The following CACNA1D variants were observed in gnomAD, a reference collection of about 807,000 sequenced individuals.
CACNA1D encodes voltage-dependent L-type calcium channel subunit alpha-1D.
Under a neutral mutation model 257.1 loss-of-function variants are expected in CACNA1D, and 55 were observed. The ratio of observed to expected loss-of-function variants is 0.21; its 90% CI spans 0.17 to 0.27. CACNA1D has a LOEUF of 0.27. CACNA1D is among the 10% of genes least tolerant of loss of function. CACNA1D has a pLI of 1.00. For synonymous variants in CACNA1D, 980 were observed against 1,014.9 expected (o/e 0.97, Z 0.65); for missense variants, 1,876 against 2,784.0 (o/e 0.67, Z 7.34).
chr3:53,610,171 G>A (rs902748855), intron 3 of CACNA1D, among the ~76,000 whole-genome samples: 2 of 152,138 alleles, frequency 1.3e-5, no homozygotes, highest in African/African-American at 2.4e-5. Context: ...TATCTTGGTA[G>A]ATATTCCATA....
chr3:53,752,343 C>T (rs2095232993), intron 28 of CACNA1D, among the ~76,000 whole-genome samples: 1 of 152,144 alleles, frequency 6.6e-6, no homozygotes, highest in East Asian at 1.9e-4. Flanking sequence ...TCTGTCACAC[C>T]TACGTTAGAG....
At chr3:53,698,201 C>G (rs1205548980) in intron 8 of CACNA1D, among the ~76,000 whole-genome samples, 3 of 152,230 alleles carry the variant, frequency 2.0e-5, no homozygotes, top group Admixed American at 6.5e-5. Flanking sequence ...CCTATACCTT[C>G]AATTCCAGCC....
intron 3 of CACNA1D, among the ~76,000 whole-genome samples, chr3:53,620,551 A>G (rs995648736): frequency 6.6e-6 from 1 of 151,930 alleles, no homozygotes. Flanking sequence ...TTGGCTTCCC[A>G]AAGTGCTGGG....
At chr3:53,649,515 C>G (rs2094064500) in intron 3 of CACNA1D, among the ~76,000 whole-genome samples, 1 of 151,922 alleles carries the variant, frequency 6.6e-6, no homozygotes, top group African/African-American at 2.4e-5. Flanking sequence ...TTCAAAACTT[C>G]CCCCTCCACA....
chr3:53,756,764 C>G (rs748454510), intron 29 of CACNA1D, among the ~76,000 whole-genome samples: 21 of 152,200 alleles, frequency 1.4e-4, no homozygotes, highest in Non-Finnish European at 2.1e-4. Flanking sequence ...AAAGTGCTGG[C>G]TGCAGCAGGT....
chr3:53,691,162 TGGG>T (rs57745542), intron 8 of CACNA1D, among the ~76,000 whole-genome samples: 2 of 147,600 alleles, frequency 1.4e-5, no homozygotes, highest in African/African-American at 5.1e-5. Context: ...TTTTTTTTTT[TGGG>T]GGGGAGATGG....
At chr3:53,809,852 C>T in intron 46 of CACNA1D, 126 bp from the exon 47 acceptor site, 2 of 843,634 alleles carry the variant, frequency 2.4e-6, no homozygotes, top group Non-Finnish European at 2.1e-6. Context: ...GTGCCCATGT[C>T]CTTTCCAAGT....
chr3:53,510,028 T>C (rs542798547), intron 3 of CACNA1D, among the ~76,000 whole-genome samples: 1 of 152,216 alleles, frequency 6.6e-6, no homozygotes, highest in Non-Finnish European at 1.5e-5. Context: ...AAGGAAAACC[T>C]ACAGTGTGGG....
chr3:53,751,546 A>G lies in CACNA1D; in HGVS notation c.3517-203A>G, dbSNP rs1160981821. Among the ~76,000 whole-genome samples, 1 of 152,238 alleles carries G rather than the reference A, an allele frequency of 6.6e-6. No homozygotes were observed. Among genetic ancestry groups the G allele is most frequent in the African/African-American group, 2.4e-5 (1 of 41,466 alleles). On this transcript the variant is annotated intron_variant, in intron 27 of 47. Coordinates refer to ENST00000350061, the MANE Select transcript of CACNA1D (RefSeq NM_001128840.3). This position sits in a 1 kb window ranked among gnomAD's most constrained non-coding sequence, Gnocchi z 4.3. ...TTACCCGGAGCTTGCTGGGAGGGTC[A>G]GCGAAGGTAATGGAGGCAGGGCCCT...
intron 3 of CACNA1D, among the ~76,000 whole-genome samples, chr3:53,585,030 CTTT>C (rs35767566): frequency 7.1e-6 from 1 of 140,708 alleles, no homozygotes. Context: ...GTTCTTTTGT[CTTT>C]TTTTTTTTTT....
Position 53,673,225 on chromosome 3 carries a change from G to A in CACNA1D, c.1220+99G>A. 2.7e-6 allele frequency: 2 copies of A among 744,966 alleles called. No individual in the cohort carries two copies. Among genetic ancestry groups the A allele is most frequent in the Non-Finnish European group, 4.7e-6 (2 of 429,016 alleles). The allele number at this position is 744,966 out of a possible 1,614,324, so 46.1% of individuals were successfully genotyped here. ...TGAGGGCCGCCAAGAGGGGTTGCCA[G>A]ACATTTTATGTGTCCTCTGAGATGC... On this transcript the variant is annotated intron_variant, in intron 8 of 47. Transcript: ENST00000350061. This position sits in a 1 kb window ranked among gnomAD's most constrained non-coding sequence, Gnocchi z 4.1.
chr3:53,575,206 C>T (rs944533420), intron 3 of CACNA1D, among the ~76,000 whole-genome samples: 2 of 152,148 alleles, frequency 1.3e-5, no homozygotes, highest in Non-Finnish European at 2.9e-5. Flanking sequence ...GCGTGATACC[C>T]GATCTGTGCA....
chr3:53,682,528 G>A (rs1576338532), intron 8 of CACNA1D, among the ~76,000 whole-genome samples: 1 of 150,200 alleles, frequency 6.7e-6, no homozygotes, highest in African/African-American at 2.5e-5. Flanking sequence ...CTGCACTCCA[G>A]CCTGGGGAGC....
Position 53,747,467 on chromosome 3 carries a change from C to G in CACNA1D, c.3314+19C>G. The G allele has an allele frequency of 6.2e-7, 1 of 1,613,752 alleles. No homozygotes were observed. The highest frequency in any genetic ancestry group is 8.5e-7 in the Non-Finnish European group (1 of 1,179,746). On this transcript the variant is annotated intron_variant, in intron 26 of 47. Coordinates refer to ENST00000350061, the MANE Select transcript of CACNA1D (RefSeq NM_001128840.3). The stretch of plus-strand genomic sequence containing the variant: ...GGCCTGCGTAAGTACAGGGAGCACA[C>G]AGTCTTCTGGAGAGGCACCTGCGTG...
intron 3 of CACNA1D, among the ~76,000 whole-genome samples, chr3:53,590,399 T>C (rs148462947): frequency 0.022 from 3,322 of 152,320 alleles, 51 homozygotes; most frequent in Non-Finnish European, 0.034. Context: ...ACTTACTGTT[T>C]GTGTGCTTAT....
intron 22 of CACNA1D, among the ~76,000 whole-genome samples, chr3:53,744,393 C>T (rs2095147277): frequency 6.6e-6 from 1 of 152,188 alleles, no homozygotes; most frequent in Non-Finnish European, 1.5e-5. Flanking sequence ...GACCTCCAAC[C>T]TTAAACAAAA....
At chr3:53,573,868 A>T (rs1393294426) in intron 3 of CACNA1D, among the ~76,000 whole-genome samples, 2 of 152,226 alleles carry the variant, frequency 1.3e-5, no homozygotes, top group African/African-American at 4.8e-5. Flanking sequence ...AACAAATTTT[A>T]AGAGCACAGT....
At chr3:53,504,499 C>T (rs1432409947) in intron 3 of CACNA1D, among the ~76,000 whole-genome samples, 1 of 151,982 alleles carries the variant, frequency 6.6e-6, no homozygotes, top group African/African-American at 2.4e-5. Flanking sequence ...AGTTTTTGTT[C>T]TTTATTTTTT....
At chr3:53,773,153 C>G (rs1238777350) in intron 33 of CACNA1D, among the ~76,000 whole-genome samples, 1 of 152,222 alleles carries the variant, frequency 6.6e-6, no homozygotes, top group Non-Finnish European at 1.5e-5. Flanking sequence ...TATGCTTTAT[C>G]ATAACAAAGT....
Sources: allele counts gnomAD v4.1 joint callset (sites outside exome capture counted in the v4.1 genomes callset), GRCh38; gene constraint gnomAD v4.1.1; non-coding constraint Gnocchi (gnomAD v3.1); transcripts MANE v1.5; gene names NCBI Gene and HGNC (gene_info 2026-07-23, HGNC 2026-07-21).